KLHL1: variants seen among roughly 807,000 people sequenced by gnomAD.
KLHL1 encodes kelch like family member 1, also known as kelch-like protein 1.
A neutral mutation model predicts 77.7 loss-of-function variants in KLHL1; 47 were observed. The observed-to-expected ratio is 0.60, with a 90% confidence interval of 0.48 to 0.77. The LOEUF (loss-of-function observed/expected upper bound fraction) is 0.77. Ranked by LOEUF, KLHL1 falls within the 30% of genes least tolerant of loss-of-function variation. The pLI, the probability that KLHL1 is intolerant of heterozygous loss-of-function variation, is 0.00. For missense variants in KLHL1, 925 were observed against 910.8 expected (o/e 1.02, Z -0.20); for synonymous variants, 360 against 325.2 (o/e 1.11, Z -1.15).
At chr13:70,091,426 T>C (rs1362292403) in intron 1 of KLHL1, among the ~76,000 whole-genome samples, 1 of 152,138 alleles carries the variant, frequency 6.6e-6, no homozygotes, top group South Asian at 2.1e-4. Flanking sequence ...ACATAACTCA[T>C]GTGTTGTTCT....
chr13:69,943,140 G>C (rs934071196), intron 3 of KLHL1, among the ~76,000 whole-genome samples: 3 of 151,744 alleles, frequency 2.0e-5, no homozygotes, highest in Non-Finnish European at 4.4e-5. Flanking sequence ...CTTGTACCCT[G>C]CTCCATCATG....
At chr13:69,993,743 TA>T (rs1248840587) in intron 1 of KLHL1, among the ~76,000 whole-genome samples, 3 of 152,058 alleles carry the variant, frequency 2.0e-5, no homozygotes, top group Non-Finnish European at 4.4e-5. Flanking sequence ...AATATCTAGG[TA>T]AAAAATTTCT....
At chr13:69,982,397 C>T (rs1884736509) in intron 1 of KLHL1, among the ~76,000 whole-genome samples, 1 of 149,802 alleles carries the variant, frequency 6.7e-6, no homozygotes, top group Non-Finnish European at 1.5e-5. Flanking sequence ...GATTGCACAA[C>T]TCCACTCCAG....
chr13:69,784,366 T>A (rs1487083954), intron 7 of KLHL1, among the ~76,000 whole-genome samples: 1 of 152,106 alleles, frequency 6.6e-6, no homozygotes, highest in African/African-American at 2.4e-5. Flanking sequence ...GACTAAATGC[T>A]CCAATTAAAA....
chr13:69,855,152 T>A (rs1225866842), intron 5 of KLHL1, among the ~76,000 whole-genome samples: 1 of 152,020 alleles, frequency 6.6e-6, no homozygotes, highest in Non-Finnish European at 1.5e-5. Flanking sequence ...ACTGAGGAAT[T>A]GTTCATCAGT....
chr13:69,745,821 T>G (rs1033223082), intron 7 of KLHL1, among the ~76,000 whole-genome samples: 3 of 151,868 alleles, frequency 2.0e-5, no homozygotes, highest in Non-Finnish European at 4.4e-5. Flanking sequence ...GTATTTCATA[T>G]GAATTTTTAA....
chr13:69,719,722 A>G, intron 8 of KLHL1, 141 bp from the exon 9 acceptor site: 1 of 631,940 alleles, frequency 1.6e-6, no homozygotes, highest in Non-Finnish European at 2.7e-6. Context: ...ATTTTGTTAA[A>G]GATACTCAAT....
chr13:70,057,725 G>A (rs1229663405), intron 1 of KLHL1, among the ~76,000 whole-genome samples: 1 of 129,530 alleles, frequency 7.7e-6, no homozygotes, highest in African/African-American at 2.8e-5. Flanking sequence ...GCAGTGAGCC[G>A]AGATTGCGCC....
At chr13:70,105,857 A>G (rs1234383466) in intron 1 of KLHL1, among the ~76,000 whole-genome samples, 1 of 151,030 alleles carries the variant, frequency 6.6e-6, no homozygotes, top group East Asian at 2.0e-4. Context: ...TCTCCTATAT[A>G]TGGAAAAACC....
chr13:69,789,125 C>A (rs2138022949), intron 7 of KLHL1, among the ~76,000 whole-genome samples: 1 of 151,854 alleles, frequency 6.6e-6, no homozygotes, highest in East Asian at 1.9e-4. Flanking sequence ...CTGTATCTAT[C>A]CTCTAAATTT....
At chr13:70,039,987 C>G (rs778261989) in intron 1 of KLHL1, among the ~76,000 whole-genome samples, 1 of 152,012 alleles carries the variant, frequency 6.6e-6, no homozygotes, top group Non-Finnish European at 1.5e-5. Flanking sequence ...TTCTGTAACT[C>G]TCTTTTAGTG....
intron 7 of KLHL1, among the ~76,000 whole-genome samples, chr13:69,784,882 ATTTTTTTTTTTTT>A (rs775109435): frequency 1.3e-5 from 1 of 79,484 alleles, no homozygotes; most frequent in Non-Finnish European, 2.3e-5. Flanking sequence ...CAGAATATAC[ATTTTTTTTTTTTT>A]TTTTTTTTTT....
rs535626444 is a variant in KLHL1, at chr13:69,799,915, T to C, written c.1415-2953A>G. Among the ~76,000 whole-genome samples, 5 of 152,294 alleles carry C rather than the reference T, an allele frequency of 3.3e-5. No homozygotes were observed. The South Asian group carries it at 6.2e-4, about 19-fold the overall frequency. On this transcript the variant is annotated intron_variant, in intron 6 of 10. Coordinates refer to ENST00000377844, the MANE Select transcript of KLHL1 (RefSeq NM_020866.3). ...GACCAGCCGTGGCATTAAATTCTCA[T>C]AGGAGCGCAAACCCTATTGTGAACT...
intron 1 of KLHL1, among the ~76,000 whole-genome samples, chr13:70,073,755 T>C (rs1014462875): frequency 6.6e-6 from 1 of 151,702 alleles, no homozygotes; most frequent in Non-Finnish European, 1.5e-5. Flanking sequence ...TTAGCTTGGG[T>C]GAGAGGGTGA....
At chr13:70,057,639 G>A (rs576813325) in intron 1 of KLHL1, among the ~76,000 whole-genome samples, 186 of 150,246 alleles carry the variant, frequency 1.2e-3, no homozygotes, top group African/African-American at 4.2e-3. Context: ...AGCCGGGTGC[G>A]GTGGCGGGCG....
chr13:70,044,336 G>A (rs895203900), intron 1 of KLHL1, among the ~76,000 whole-genome samples: 9 of 152,128 alleles, frequency 5.9e-5, no homozygotes, highest in Admixed American at 1.3e-4. Flanking sequence ...AAATCTCACA[G>A]ATAGGTTTCT....
chr13:69,880,635 C>T (rs544464191), intron 5 of KLHL1, among the ~76,000 whole-genome samples: 1 of 152,188 alleles, frequency 6.6e-6, no homozygotes, highest in East Asian at 1.9e-4. Flanking sequence ...AACAGGACAT[C>T]TCTGATCTGA....
rs370122669 is a variant in KLHL1 at position 70,089,502 on chromosome 13, C to T, written c.497+17701G>A. On this transcript the variant is annotated intron_variant, in intron 1 of 10. Transcript: ENST00000377844. ...GGCAATGACATCAAATACACACCTCCAGATTGTTAAAATAGCTTGCGTGAT... is the reference window on the plus strand; with the variant it reads ...GGCAATGACATCAAATACACACCTCTAGATTGTTAAAATAGCTTGCGTGAT... Among the ~76,000 whole-genome samples the T allele has an allele frequency of 3.5e-4, 54 of 152,160 alleles. 1 individual carries two copies. The South Asian group carries it at 0.011, about 30-fold the overall frequency.
chr13:70,107,913 G>A lies in KLHL1; in HGVS notation c.-214C>T, dbSNP rs1311969422. Reference sequence around the variant, plus strand: ...GCGCGTTTCAGCCGTGGTCGGGTCCGCAGGACCTGGGCGTGGGGACACCAC... The same window carrying A: ...GCGCGTTTCAGCCGTGGTCGGGTCCACAGGACCTGGGCGTGGGGACACCAC... On this transcript the variant is annotated 5_prime_UTR_variant, in exon 1 of 11. Coordinates refer to ENST00000377844, the MANE Select transcript of KLHL1 (RefSeq NM_020866.3). The A allele has an allele frequency of 9.8e-6, 5 of 510,936 alleles. No homozygotes were observed. Among genetic ancestry groups the A allele is most frequent in the Non-Finnish European group, 1.7e-5 (5 of 292,524 alleles). The allele number at this position is 510,936 out of a possible 1,614,324, so 31.7% of individuals were successfully genotyped here.
Sources: allele counts gnomAD v4.1 joint callset (sites outside exome capture counted in the v4.1 genomes callset), GRCh38; gene constraint gnomAD v4.1.1; transcripts MANE v1.5; gene names NCBI Gene and HGNC (gene_info 2026-07-23, HGNC 2026-07-21).